ZBTB37: variants seen among roughly 807,000 people sequenced by gnomAD.
ZBTB37 encodes zinc finger and BTB domain-containing protein 37.
ZBTB37 carries 15 observed loss-of-function variants against 37.7 expected under a neutral mutation model. The observed-to-expected ratio is 0.40, with a 90% CI of 0.27 to 0.61. The LOEUF (loss-of-function observed/expected upper bound fraction) is 0.61. Ranked by LOEUF, ZBTB37 falls within the 20% of genes least tolerant of loss-of-function variation. The pLI, the probability that ZBTB37 is intolerant of heterozygous loss-of-function variation, is 0.44. For missense variants in ZBTB37, 514 were observed against 641.9 expected (o/e 0.80, Z 2.15); for synonymous variants, 231 against 220.6 (o/e 1.05, Z -0.42).
At chr1:173,890,269 GTATT>G (rs1207017429), downstream of ZBTB37, 4 of 152,158 alleles carry the variant, frequency 2.6e-5, no homozygotes, top group Non-Finnish European at 4.4e-5. Flanking sequence ...GGTGAAAACT[GTATT>G]TATTTTGTTT....
Position 173,886,427 on chromosome 1 carries a change from A to G in ZBTB37, c.*303A>G, listed in dbSNP as rs4650988. 6.0e-3 allele frequency: 2,087 copies of G among 347,082 alleles called. 51 individuals are homozygous for G. Among genetic ancestry groups the G allele is most frequent in the African/African-American group, 0.041 (1,966 of 47,584 alleles). The allele number at this position is 347,082 out of a possible 1,614,324, so 21.5% of individuals were successfully genotyped here. ...GTTTTTTAACAAAACGATGATGATA[A>G]ATGGTCATTTATCTATCAGTCATGT... On this transcript the variant is annotated 3_prime_UTR_variant, in exon 5 of 5. Transcript: ENST00000427304.
At chr1:173,891,918 A>G (rs1371943791) in exon 4 of ZBTB37, 1 of 152,216 alleles carries the variant, frequency 6.6e-6, no homozygotes, top group Non-Finnish European at 1.5e-5. Flanking sequence ...CAACATAGAC[A>G]AAGTTCAAGT....
intron 2 of ZBTB37, 126 bp from the exon 3 acceptor site, chr1:173,870,074 G>A: frequency 6.4e-6 from 4 of 629,124 alleles, no homozygotes; most frequent in Admixed American, 3.5e-5. Flanking sequence ...TATAAGGAAG[G>A]TATTTCTTTT....
At position 173,872,740 on chromosome 1, in the gene ZBTB37, G is replaced by T. The variant is rs573366234; in HGVS notation, c.924-727G>T. 2.0e-4 allele frequency among the ~76,000 whole-genome samples: 30 copies of T among 152,146 alleles called. No individual in the cohort carries two copies. The South Asian group carries it at 6.0e-3, about 31-fold the overall frequency. On this transcript the variant is annotated intron_variant, in intron 3 of 4. Transcript: ENST00000427304. ...AGTAATATCAGGGCCAGGTGTGGTGGCTCACACCTGTGATCCCAGCACTTT... is the reference window on the plus strand; with the variant it reads ...AGTAATATCAGGGCCAGGTGTGGTGTCTCACACCTGTGATCCCAGCACTTT...
At chr1:173,870,301 C>G in exon 3 of ZBTB37, 2 of 1,614,204 alleles carry the variant, frequency 1.2e-6, no homozygotes, top group Non-Finnish European at 1.7e-6. Context: ...AAACCAGTTG[C>G]GCATGCAGGG....
At chr1:173,875,339 T>A (rs1237532059) in intron 4 of ZBTB37, among the ~76,000 whole-genome samples, 2 of 150,376 alleles carry the variant, frequency 1.3e-5, no homozygotes, top group African/African-American at 2.4e-5. Flanking sequence ...TATTTTTTTT[T>A]TTTTTTGAGG....
intron 4 of ZBTB37, among the ~76,000 whole-genome samples, chr1:173,878,698 A>G (rs1483619397): frequency 1.3e-5 from 2 of 152,246 alleles, no homozygotes; most frequent in African/African-American, 4.8e-5. Context: ...ACATTAAGTT[A>G]CATTTGTTCA....
At chr1:173,880,940 ATTTCT>A (rs1199035453) in intron 4 of ZBTB37, among the ~76,000 whole-genome samples, 1 of 149,732 alleles carries the variant, frequency 6.7e-6, no homozygotes, top group Non-Finnish European at 1.5e-5. Flanking sequence ...AGTTGGGGAG[ATTTCT>A]TTTTTTCTCT....
intron 4 of ZBTB37, among the ~76,000 whole-genome samples, chr1:173,882,281 G>A (rs1419553568): frequency 4.2e-5 from 5 of 120,384 alleles, no homozygotes; most frequent in South Asian, 2.7e-4. Flanking sequence ...TGGCTCTGTC[G>A]TCCAGGCTGG....
At chr1:173,883,204 C>G (rs1208401152) in intron 4 of ZBTB37, among the ~76,000 whole-genome samples, 1 of 152,164 alleles carries the variant, frequency 6.6e-6, no homozygotes, top group Non-Finnish European at 1.5e-5. Context: ...GTTGGCTGGG[C>G]CTGGTGGCTC....
chr1:173,895,449 G>C (rs952603099), exon 4 of ZBTB37: 13 of 152,132 alleles, frequency 8.5e-5, no homozygotes, highest in African/African-American at 3.1e-4. Flanking sequence ...GATATCAGTT[G>C]TATTTTAAGT....
downstream of ZBTB37, chr1:173,886,738 A>G (rs1656641607): frequency 6.5e-6 from 1 of 152,972 alleles, no homozygotes. Context: ...ATAATCAGCC[A>G]TCTTGAAGCA....
Position 173,879,895 on chromosome 1 carries a change from G to C in ZBTB37, c.1024-5741G>C, listed in dbSNP as rs566081947. 4.6e-5 allele frequency among the ~76,000 whole-genome samples: 7 copies of C among 152,298 alleles called. No homozygotes were observed. In the South Asian group the frequency reaches 1.0e-3, roughly 23 times the overall value. On this transcript the variant is annotated intron_variant, in intron 4 of 4. Coordinates refer to ENST00000427304, the Ensembl canonical transcript of ZBTB37. ...GAACCTGGGAGGCAGAGGTTGCAGT[G>C]AGCCGAGATGATGCTACTGCACTCC...
chr1:173,879,005 C>T lies in ZBTB37; in HGVS notation c.1023+5439C>T, dbSNP rs562595698. Among the ~76,000 whole-genome samples the T allele has an allele frequency of 2.9e-4, 44 of 150,928 alleles. 1 individual carries two copies. In the South Asian group the frequency reaches 4.6e-3, roughly 16 times the overall value. On this transcript the variant is annotated intron_variant, in intron 4 of 4. Coordinates refer to ENST00000427304, the Ensembl canonical transcript of ZBTB37. ...ACTTGGGAGGCTGAGACAGGAGAAT[C>T]GTTTGAACCCGGGAGGTGGAGGTTG...
chr1:173,871,447 G>A (rs539920416), intron 3 of ZBTB37, among the ~76,000 whole-genome samples: 12 of 152,244 alleles, frequency 7.9e-5, no homozygotes, highest in African/African-American at 2.6e-4. Flanking sequence ...GGGCTTCCTC[G>A]GGATTCGAGG....
chr1:173,882,431 A>G (rs182655846), intron 4 of ZBTB37, among the ~76,000 whole-genome samples: 211 of 151,796 alleles, frequency 1.4e-3, no homozygotes, highest in Middle Eastern at 3.4e-3. Context: ...TAGTAGAGAC[A>G]GGGTTTCACC....
At chr1:173,868,968 A>T (rs1048036635) in exon 2 of ZBTB37, 1 of 152,676 alleles carries the variant, frequency 6.5e-6, no homozygotes, top group African/African-American at 2.4e-5. Context: ...ACTTTCCTCC[A>T]GGGGCTTCCT....
At chr1:173,873,629 G>A (rs1243519781) in intron 4 of ZBTB37, 63 bp downstream of exon 4, 3 of 1,587,564 alleles carry the variant, frequency 1.9e-6, no homozygotes, top group South Asian at 1.1e-5. Context: ...TGTATGAATA[G>A]AAAATAATGA....
At chr1:173,868,086 T>G (rs1033127598), upstream of ZBTB37, 17 of 169,024 alleles carry the variant, frequency 1.0e-4, no homozygotes, top group Middle Eastern at 2.8e-3. Context: ...CCCCCTAACC[T>G]CCCTCAATCT....
Sources: allele counts gnomAD v4.1 joint callset (sites outside exome capture counted in the v4.1 genomes callset), GRCh38; gene constraint gnomAD v4.1.1; transcripts MANE v1.5; gene names NCBI Gene and HGNC (gene_info 2026-07-23, HGNC 2026-07-21).